Variants in NVL observed in about 807,000 individuals in gnomAD.
NVL encodes nuclear VCP like.
A neutral mutation model predicts 110.2 loss-of-function variants in NVL; 84 were observed. The observed-to-expected ratio is 0.76, with a 90% CI of 0.64 to 0.91. The LOEUF (loss-of-function observed/expected upper bound fraction) is 0.91. Among genes scored for constraint, NVL ranks in the 40% least tolerant of loss-of-function variants. The pLI is 0.00. For synonymous variants in NVL, 354 were observed against 361.1 expected (o/e 0.98, Z 0.22); for missense variants, 882 against 1,035.9 (o/e 0.85, Z 2.04).
At chr1:224,285,686 T>C (rs1267802166) in intron 15 of NVL, among the ~76,000 whole-genome samples, 3 of 152,052 alleles carry the variant, frequency 2.0e-5, no homozygotes, top group Admixed American at 2.0e-4. Flanking sequence ...AATACTTAAG[T>C]TATAAATAAT....
intron 2 of NVL, among the ~76,000 whole-genome samples, chr1:224,325,217 G>A (rs1158652230): frequency 1.3e-5 from 2 of 151,226 alleles, no homozygotes; most frequent in Non-Finnish European, 2.9e-5. Context: ...AGCCGAGATC[G>A]CGCCACTGCA....
At chr1:224,327,095 C>G (rs917407139) in intron 1 of NVL, among the ~76,000 whole-genome samples, 1 of 152,024 alleles carries the variant, frequency 6.6e-6, no homozygotes. Context: ...GAGCTATGAT[C>G]GAGCCACTGC....
At chr1:224,252,519 A>C (rs1662617133) in intron 18 of NVL, among the ~76,000 whole-genome samples, 2 of 152,180 alleles carry the variant, frequency 1.3e-5, no homozygotes, top group Admixed American at 1.3e-4. Flanking sequence ...TCCTCTACAA[A>C]GAGGTAAATT....
At chr1:224,321,737 C>A (rs1266749988) in intron 2 of NVL, among the ~76,000 whole-genome samples, 1 of 118,006 alleles carries the variant, frequency 8.5e-6, no homozygotes, top group Non-Finnish European at 1.7e-5. Flanking sequence ...CCCTGAGCAA[C>A]AGAGTAAGAT....
At chr1:224,329,973 A>G (rs1572096280) in intron 1 of NVL, 98 bp downstream of exon 1, 4 of 1,153,548 alleles carry the variant, frequency 3.5e-6, no homozygotes, top group Non-Finnish European at 5.2e-6. Context: ...AAAGAAGACT[A>G]GTTGAGTTCC....
intron 5 of NVL, among the ~76,000 whole-genome samples, chr1:224,311,541 G>A (rs1478754369): frequency 6.6e-6 from 1 of 151,836 alleles, no homozygotes; most frequent in African/African-American, 2.4e-5. Flanking sequence ...GCTAACTTTT[G>A]TATTTTTTGT....
At chr1:224,315,179 C>T (rs539132490) in intron 4 of NVL, among the ~76,000 whole-genome samples, 1 of 151,984 alleles carries the variant, frequency 6.6e-6, no homozygotes, top group African/African-American at 2.4e-5. Flanking sequence ...CCTCAACTTC[C>T]AAAGAAGCTG....
rs1661293785 is a variant in NVL, at chr1:224,242,364, A to G, written c.2290-5782T>C. Among the ~76,000 whole-genome samples, 3 of 152,084 alleles carry G rather than the reference A, an allele frequency of 2.0e-5. No individual in the cohort carries two copies. The South Asian group carries it at 6.2e-4, about 31-fold the overall frequency. On this transcript the variant is annotated intron_variant, in intron 19 of 22. Transcript: ENST00000281701. ...AAAAAGTTATGGCTCATTTACACTGATATTTTCCTATAATTCGTATTAAAC... is the reference window on the plus strand; with the variant it reads ...AAAAAGTTATGGCTCATTTACACTGGTATTTTCCTATAATTCGTATTAAAC...
At chr1:224,271,040 G>T (rs1665043147) in intron 17 of NVL, among the ~76,000 whole-genome samples, 1 of 152,120 alleles carries the variant, frequency 6.6e-6, no homozygotes, top group Non-Finnish European at 1.5e-5. Context: ...AAAAATACGT[G>T]AAACAAGTTC....
rs116029004 is a variant in NVL at position 224,276,323 on chromosome 1, C to T, written c.1963-865G>A. Among the ~76,000 whole-genome samples, 953 of 152,192 alleles carry T rather than the reference C, an allele frequency of 6.3e-3. 6 individuals are homozygous for T. Among genetic ancestry groups the T allele is most frequent in the African/African-American group, 0.021 (888 of 41,512 alleles). On this transcript the variant is annotated intron_variant, in intron 16 of 22. Coordinates refer to ENST00000281701, the MANE Select transcript of NVL (RefSeq NM_002533.4). ...CCATCTCGGCTCACTGCAACCTCCA[C>T]GCCCCCAGGCTCAAGTGATTCTCCT...
chr1:224,266,272 G>T (rs542017992), intron 18 of NVL, among the ~76,000 whole-genome samples: 4 of 152,230 alleles, frequency 2.6e-5, no homozygotes, highest in Non-Finnish European at 4.4e-5. Flanking sequence ...ACTTCCTCCA[G>T]TGAAACTAAT....
intron 9 of NVL, among the ~76,000 whole-genome samples, chr1:224,303,416 CAG>C (rs1668606902): frequency 6.7e-6 from 1 of 148,472 alleles, no homozygotes; most frequent in Non-Finnish European, 1.5e-5. Context: ...GCCTGGGTGA[CAG>C]AGTGAGACTC....
At chr1:224,296,657 C>T (rs775178919) in intron 10 of NVL, 39 bp from the exon 11 acceptor site, 5 of 1,238,738 alleles carry the variant, frequency 4.0e-6, no homozygotes, top group South Asian at 2.7e-5. Context: ...ATCATAAATG[C>T]ATCCCCTATA....
chr1:224,261,391 A>T (rs1327245518), intron 18 of NVL, among the ~76,000 whole-genome samples: 1 of 152,188 alleles, frequency 6.6e-6, no homozygotes, highest in African/African-American at 2.4e-5. Context: ...GTAATTATTG[A>T]GTAGAAGAGA....
intron 12 of NVL, among the ~76,000 whole-genome samples, chr1:224,291,026 C>A (rs1355751080): frequency 6.6e-6 from 1 of 152,156 alleles, no homozygotes; most frequent in Non-Finnish European, 1.5e-5. Context: ...CTGCAAGAGT[C>A]TGAATCCCAG....
intron 20 of NVL, among the ~76,000 whole-genome samples, chr1:224,234,029 CAAG>C (rs1414597977): frequency 2.0e-5 from 3 of 151,906 alleles, no homozygotes; most frequent in African/African-American, 7.3e-5. Context: ...GACCCTGTCT[CAAG>C]AAAACCCCCC....
intron 6 of NVL, among the ~76,000 whole-genome samples, chr1:224,306,068 T>C (rs1050326988): frequency 2.0e-5 from 3 of 152,202 alleles, no homozygotes; most frequent in African/African-American, 4.8e-5. Flanking sequence ...AAATTAAATA[T>C]AACTACAGAG....
chr1:224,271,346 G>A (rs1227894259), intron 17 of NVL, among the ~76,000 whole-genome samples: 1 of 151,868 alleles, frequency 6.6e-6, no homozygotes. Flanking sequence ...AAACTTAGCT[G>A]GGTGTGGTGG....
At chr1:224,281,209 A>C in intron 15 of NVL, 24 bp from the exon 16 acceptor site, 1 of 1,577,868 alleles carries the variant, frequency 6.3e-7, no homozygotes, top group Non-Finnish European at 8.7e-7. Flanking sequence ...ACAAAAAGAC[A>C]CAAATAAGAC....
Sources: allele counts gnomAD v4.1 joint callset (sites outside exome capture counted in the v4.1 genomes callset), GRCh38; gene constraint gnomAD v4.1.1; transcripts MANE v1.5; gene names NCBI Gene and HGNC (gene_info 2026-07-23, HGNC 2026-07-21).